Variants in DDX39B observed in about 807,000 individuals in gnomAD.
DDX39B encodes spliceosome RNA helicase DDX39B.
In DDX39B, 6 loss-of-function variants were observed where a neutral mutation model predicts 46.4. The observed-to-expected ratio is 0.13, with a 90% CI of 0.07 to 0.26. DDX39B has a LOEUF of 0.26. Ranked by LOEUF, DDX39B falls within the 10% of genes least tolerant of loss-of-function variation. The pLI, the probability that DDX39B is intolerant of heterozygous loss-of-function variation, is 1.00. For missense variants in DDX39B, 185 were observed against 553.4 expected, an observed-to-expected ratio of 0.33 and a Z score of 6.68; for synonymous variants, 174 against 199.4, an observed-to-expected ratio of 0.87 and a Z score of 1.07.
chr6:31,540,511 T>G lies in DDX39B; in HGVS notation c.22A>C (p.Asn8His). Residue 8 changes from asparagine (N) to histidine (H), a missense_variant, in exon 2 of 11, where the codon AAT (asparagine) becomes CAT (histidine). Asn to His is a moderately conservative substitution (Grantham distance 68). This residue lies in a region of DDX39B where 30 missense variants were observed against 41.6 expected (regional missense o/e 0.72). Coordinates refer to ENST00000396172, the MANE Select transcript of DDX39B (RefSeq NM_004640.7). ...TCATCTTCATAGTCCAAGAGCTCAT[T>G]GTCCACATCGTTCTCTGCCATAACT... is the stretch of plus-strand genomic sequence containing the variant. MAENDVDNELLDYEDDEV... is the reference protein window; with the variant it reads MAENDVDHELLDYEDDEV... 1 of 1,614,146 alleles carries G rather than the reference T, an allele frequency of 6.2e-7. No individual in the cohort carries two copies. Among genetic ancestry groups the G allele is most frequent in the Non-Finnish European group, 8.5e-7 (1 of 1,180,034 alleles).
intron 1 of DDX39B, 88 bp downstream of exon 1, chr6:31,541,862 C>T: frequency 1.6e-6 from 1 of 637,410 alleles, no homozygotes. Flanking sequence ...AGACCATCGC[C>T]TGTGAAAAGG....
intron 7 of DDX39B, among the ~76,000 whole-genome samples, chr6:31,532,191 C>G (rs907586502): frequency 2.0e-5 from 3 of 152,118 alleles, no homozygotes; most frequent in African/African-American, 7.2e-5. Context: ...TTCAAGAACC[C>G]TAACATGCCC....
At position 31,535,559 on chromosome 6, in the gene DDX39B, C is replaced by A; in HGVS notation, c.617-74G>T. ...AAACAAAGATTAGAGGTAGACTTCC[C>A]AGTGAGGTGAAGATTGCTGGAAATA... is the stretch of plus-strand genomic sequence containing the variant. On this transcript the variant is annotated intron_variant, in intron 5 of 10. Coordinates refer to ENST00000396172, the MANE Select transcript of DDX39B (RefSeq NM_004640.7). The surrounding 1 kb of genome is among the most constrained non-coding windows in gnomAD (Gnocchi z 4.6). 1.7e-6 allele frequency: 2 copies of A among 1,183,456 alleles called. No individual in the cohort carries two copies. The highest frequency in any genetic ancestry group is 1.8e-5 in the Admixed American group (1 of 55,326). The allele number at this position is 1,183,456 out of a possible 1,614,324, so 73.3% of individuals were successfully genotyped here.
At chr6:31,541,605 G>A (rs1424721198) in intron 1 of DDX39B, 2 of 474,634 alleles carry the variant, frequency 4.2e-6, no homozygotes, top group Non-Finnish European at 8.7e-6. Flanking sequence ...GACAAGGAAG[G>A]TGAGAAGAGC....
chr6:31,535,211 C>T lies in DDX39B; in HGVS notation c.735+156G>A, dbSNP rs1404719070. ...GCGCAGGCCCTAACACTAGCTGTCTCTGCTTCTGTATGTCTCTTCAAGGAG... is the reference window on the plus strand; with the variant it reads ...GCGCAGGCCCTAACACTAGCTGTCTTTGCTTCTGTATGTCTCTTCAAGGAG... On this transcript the variant is annotated intron_variant, in intron 6 of 10. Transcript: ENST00000396172. This position sits in a 1 kb window ranked among gnomAD's most constrained non-coding sequence, Gnocchi z 4.6. The T allele has an allele frequency of 1.4e-6, 1 of 734,062 alleles. No homozygotes were observed. Among genetic ancestry groups the T allele is most frequent in the East Asian group, 2.7e-5 (1 of 37,468 alleles). 45.5% of individuals were successfully genotyped at this position (734,062 alleles called of 1,614,324 possible). A position where few individuals can be genotyped will look rare whatever the true frequency, so the allele number is the denominator to read the frequency against.
At chr6:31,539,370 C>A in intron 2 of DDX39B, 96 bp from the exon 3 acceptor site, 1 of 1,531,654 alleles carries the variant, frequency 6.5e-7, no homozygotes, top group South Asian at 1.2e-5. Context: ...CCACTCAATT[C>A]TCAAAGTCTA....
Position 31,534,953 on chromosome 6 carries a change from A to G in DDX39B, c.735+414T>C. On this transcript the variant is annotated intron_variant, in intron 6 of 10. Coordinates refer to ENST00000396172, the MANE Select transcript of DDX39B (RefSeq NM_004640.7). The surrounding 1 kb of genome is among the most constrained non-coding windows in gnomAD (Gnocchi z 5.1). Reference sequence around the variant, plus strand: ...CCTCTCTTGCTCTCCTGCCACCGGGAAGTAGGAGTTTTGGTGAGCAGAAGG... The same window carrying G: ...CCTCTCTTGCTCTCCTGCCACCGGGGAGTAGGAGTTTTGGTGAGCAGAAGG... The G allele has an allele frequency of 3.8e-6, 1 of 262,162 alleles. No individual in the cohort carries two copies. The highest frequency in any genetic ancestry group is 2.2e-5 in the African/African-American group (1 of 45,176). 16.2% of individuals were successfully genotyped at this position (262,162 alleles called of 1,614,324 possible). A position where few individuals can be genotyped will look rare whatever the true frequency, so the allele number is the denominator to read the frequency against.
intron 6 of DDX39B, chr6:31,533,136 T>TA: frequency 2.2e-6 from 1 of 444,710 alleles, no homozygotes; most frequent in Non-Finnish European, 4.2e-6. Context: ...ACTGCCCAAC[T>TA]AAAAACTATC....
intron 7 of DDX39B, among the ~76,000 whole-genome samples, chr6:31,532,250 A>C (rs529965775): frequency 9.7e-4 from 148 of 152,168 alleles, no homozygotes; most frequent in African/African-American, 3.5e-3. Context: ...TCCTTCAAGG[A>C]CTTTTGGAGA....
chr6:31,536,740 C>G (rs1368742699), intron 4 of DDX39B, 57 bp from the exon 5 acceptor site: 15 of 1,580,806 alleles, frequency 9.5e-6, no homozygotes, highest in Admixed American at 5.5e-5. Context: ...TCCAATCCCC[C>G]CAGGGTTCCC....
At chr6:31,540,003 A>C (rs1562424532) in intron 2 of DDX39B, among the ~76,000 whole-genome samples, 1 of 152,096 alleles carries the variant, frequency 6.6e-6, no homozygotes, top group Non-Finnish European at 1.5e-5. Flanking sequence ...TTTCTTCCTC[A>C]CTGTCGCCCC....
rs1416695853 is a variant in DDX39B at position 31,530,620 on chromosome 6, G to T, written c.1270+159C>A. On this transcript the variant is annotated intron_variant, in intron 10 of 10. Coordinates refer to ENST00000396172, the MANE Select transcript of DDX39B (RefSeq NM_004640.7). The surrounding 1 kb of genome is among the most constrained non-coding windows in gnomAD (Gnocchi z 4.5). ...GAGAAGACAAGACACCCCACATAAAGGTCAGAAAAACATCCCAACACAGCA... is the reference window on the plus strand; with the variant it reads ...GAGAAGACAAGACACCCCACATAAATGTCAGAAAAACATCCCAACACAGCA... The T allele has an allele frequency of 1.2e-5, 16 of 1,311,512 alleles. No individual in the cohort carries two copies. Among genetic ancestry groups the T allele is most frequent in the Non-Finnish European group, 1.4e-5 (13 of 944,200 alleles). The allele number at this position is 1,311,512 out of a possible 1,614,324, so 81.2% of individuals were successfully genotyped here.
intron 4 of DDX39B, among the ~76,000 whole-genome samples, 160 bp downstream of exon 4, chr6:31,538,603 T>C (rs1020316588): frequency 6.6e-6 from 1 of 152,204 alleles, no homozygotes; most frequent in Non-Finnish European, 1.5e-5. Context: ...GCATCATCCA[T>C]AGCCCAATTA....
intron 5 of DDX39B, 181 bp downstream of exon 5, chr6:31,536,319 G>C: frequency 3.4e-6 from 3 of 870,586 alleles, no homozygotes; most frequent in Non-Finnish European, 5.7e-6. Flanking sequence ...AAAGATGATA[G>C]ATGACACCCT....
Position 31,531,137 on chromosome 6 carries a change from T to G in DDX39B, c.1038A>C (p.Leu346=), listed in dbSNP as rs138849178. 1.9e-5 allele frequency: 31 copies of G among 1,614,074 alleles called. No homozygotes were observed. The African/African-American group carries it at 4.1e-4, about 22-fold the overall frequency. Residue 346 remains leucine, a synonymous_variant, in exon 9 of 11, where the codon CTA becomes CTC. Transcript: ENST00000396172. This position sits in a 1 kb window ranked among gnomAD's most constrained non-coding sequence, Gnocchi z 5.8. Reference sequence around the variant, plus strand: ...GCTCGATGTCCATGCCTCGGCCAAATAGGTTGGTAGCCACAAGAATTCGTC... The same window carrying G: ...GCTCGATGTCCATGCCTCGGCCAAAGAGGTTGGTAGCCACAAGAATTCGTC... The part of the protein sequence containing the change: ...FQRRILVATN[L]FGRGMDIERV...
In DDX39B at chr6:31,531,319, G is replaced by C; in HGVS notation, c.954C>G (p.His318Gln). ...ACCTCTCCTCCTGGGGCATCCCACG[G>C]TGGATGGCAATGGCTGGGAAGTTCT... ...VEQNFPAIAI[H>Q]RGMPQEERLS... is the part of the protein sequence containing the mutation. Residue 318 changes from histidine to glutamine, a missense_variant, in exon 8 of 11, where the codon CAC becomes CAG. By Grantham distance (24) the His-to-Gln change is conservative. Coordinates refer to ENST00000396172, the MANE Select transcript of DDX39B (RefSeq NM_004640.7). This position sits in a 1 kb window ranked among gnomAD's most constrained non-coding sequence, Gnocchi z 5.8. 6.2e-7 allele frequency: 1 copy of C among 1,614,126 alleles called. No individual in the cohort carries two copies. The highest frequency in any genetic ancestry group is 8.5e-7 in the Non-Finnish European group (1 of 1,180,018).
intron 2 of DDX39B, among the ~76,000 whole-genome samples, chr6:31,540,106 G>A (rs2523510): frequency 0.85 from 128,985 of 152,218 alleles, 54,751 homozygotes; most frequent in East Asian, 0.93. Context: ...GAGTCTCGCT[G>A]TGTTGCCCAG....
chr6:31,537,956 A>C (rs1305725938), intron 4 of DDX39B, among the ~76,000 whole-genome samples: 1 of 152,142 alleles, frequency 6.6e-6, no homozygotes, highest in Middle Eastern at 3.2e-3. Context: ...AATCGCTTGA[A>C]CGTGGGAGGC....
Position 31,531,495 on chromosome 6 carries a change from G to C in DDX39B, c.868-90C>G, listed in dbSNP as rs552707112. The C allele has an allele frequency of 2.4e-5, 25 of 1,059,484 alleles. No individual in the cohort carries two copies. The South Asian group carries it at 3.0e-4, about 13-fold the overall frequency. The allele number at this position is 1,059,484 out of a possible 1,614,324, so 65.6% of individuals were successfully genotyped here. A position where few individuals can be genotyped will look rare whatever the true frequency, so the allele number is the denominator to read the frequency against. ...ATTACGTGGGAGAGGGGAGTTTCTA[G>C]TAATTACGTTCTCAGGAATTCCTCT... On this transcript the variant is annotated intron_variant, in intron 7 of 10. Transcript: ENST00000396172. The surrounding 1 kb of genome is among the most constrained non-coding windows in gnomAD (Gnocchi z 5.8).
Sources: allele counts gnomAD v4.1 joint callset (sites outside exome capture counted in the v4.1 genomes callset), GRCh38; gene constraint gnomAD v4.1.1; regional missense constraint gnomAD v4.1.1; non-coding constraint Gnocchi (gnomAD v3.1); transcripts MANE v1.5; gene names NCBI Gene and HGNC (gene_info 2026-07-23, HGNC 2026-07-21).